VMP1: variants seen among roughly 807,000 people sequenced by gnomAD.
VMP1 encodes ectopic P-granules autophagy protein 3 homolog.
VMP1 carries 11 observed loss-of-function variants against 56.0 expected under a neutral mutation model. The ratio of observed to expected loss-of-function variants is 0.20; its 90% confidence interval spans 0.12 to 0.32. VMP1 has a LOEUF of 0.32. VMP1 is among the 10% of genes least tolerant of loss of function. VMP1 has a pLI of 1.00. For missense variants in VMP1, 296 were observed against 490.3 expected (o/e 0.60, Z 3.74); for synonymous variants, 149 against 165.0 (o/e 0.90, Z 0.74).
rs961229748 is a variant in VMP1 at position 59,774,318 on chromosome 17, G to A, written c.714+433G>A. ...TGTAATCCCAGCACTTTGAGAACCC[G>A]AGGCAGGAGGATTGCATAAGCGCAG... On this transcript the variant is annotated intron_variant, in intron 7 of 11. Coordinates refer to ENST00000262291, the MANE Select transcript of VMP1 (RefSeq NM_030938.5). 5.3e-5 allele frequency among the ~76,000 whole-genome samples: 8 copies of A among 152,170 alleles called. 1 individual carries two copies. Among genetic ancestry groups the A allele is most frequent in the African/African-American group, 9.6e-5 (4 of 41,492 alleles).
chr17:59,798,676 C>T (rs1025023617), intron 7 of VMP1, among the ~76,000 whole-genome samples: 74 of 152,196 alleles, frequency 4.9e-4, no homozygotes, highest in Admixed American at 7.9e-4. Flanking sequence ...CACCTGAGGT[C>T]GGGAGTTCCA....
chr17:59,773,998 AAAAAG>A lies in VMP1; in HGVS notation c.714+117_714+121del. ...AGAAAACTGCTAAAGTAAAAAAAAA[AAAAAG>A]AAAGAAAAATATTGCTTGAGATAGA... On this transcript the variant is annotated intron_variant, in intron 7 of 11. Coordinates refer to ENST00000262291, the MANE Select transcript of VMP1 (RefSeq NM_030938.5). The A allele has an allele frequency of 1.2e-5, 13 of 1,086,760 alleles. No homozygotes were observed. The South Asian group carries it at 2.2e-4, about 18-fold the overall frequency. The allele number at this position is 1,086,760 out of a possible 1,614,324, so 67.3% of individuals were successfully genotyped here. A position where few individuals can be genotyped will look rare whatever the true frequency, so the allele number is the denominator to read the frequency against.
chr17:59,737,482 CTT>C lies in VMP1; in HGVS notation c.247_248del (p.Leu83ThrfsTer13). On this transcript the variant is annotated frameshift_variant, in exon 4 of 12. Coordinates refer to ENST00000262291, the MANE Select transcript of VMP1 (RefSeq NM_030938.5). LOFTEE classifies it high-confidence loss of function. ...TGGCATCGTCAAAGCATTGTGGTGTCTTTTTTACTGCTGCTTGCTGTGCTTAT... is the reference window on the plus strand; with the variant it reads ...TGGCATCGTCAAAGCATTGTGGTGTCTTTTACTGCTGCTTGCTGTGCTTAT... 1 of 1,611,450 alleles carries C rather than the reference CTT, an allele frequency of 6.2e-7. No individual in the cohort carries two copies. Among genetic ancestry groups the C allele is most frequent in the Non-Finnish European group, 8.5e-7 (1 of 1,178,924 alleles).
chr17:59,759,010 C>T (rs563211291), intron 5 of VMP1, among the ~76,000 whole-genome samples: 233 of 152,178 alleles, frequency 1.5e-3, no homozygotes, highest in African/African-American at 4.9e-3. Context: ...CACCAGAACT[C>T]TAGAGGTTGA....
intron 7 of VMP1, among the ~76,000 whole-genome samples, chr17:59,774,367 A>G (rs1208602414): frequency 6.6e-6 from 1 of 152,096 alleles, no homozygotes; most frequent in South Asian, 2.1e-4. Flanking sequence ...CAAGTGAGCT[A>G]TGATCATCCC....
intron 7 of VMP1, among the ~76,000 whole-genome samples, chr17:59,783,127 T>G (rs1598387778): frequency 6.6e-6 from 1 of 151,920 alleles, no homozygotes; most frequent in East Asian, 1.9e-4. Context: ...ACCTGGGAGG[T>G]GGAGCTAGCA....
intron 1 of VMP1, among the ~76,000 whole-genome samples, chr17:59,717,254 G>C (rs948242769): frequency 5.9e-5 from 9 of 152,126 alleles, no homozygotes; most frequent in African/African-American, 2.2e-4. Flanking sequence ...ACAGGCATGA[G>C]CCACCGCGCT....
rs763841771 is a variant in VMP1, at chr17:59,773,752, A to G, written c.583-2A>G. 2 of 1,595,316 alleles carry G rather than the reference A, an allele frequency of 1.3e-6. No homozygotes were observed. Among genetic ancestry groups the G allele is most frequent in the African/African-American group, 1.4e-5 (1 of 73,862 alleles). On this transcript the variant is annotated splice_acceptor_variant, in intron 6 of 11. Transcript: ENST00000262291. LOFTEE classifies it high-confidence loss of function. ...TTGTAAGTATTTTGGTTTTTCACCT[A>G]GGGTATCGGTACAGCAATCGGAGAG...
At chr17:59,837,864 TA>T (rs2039031135) in intron 10 of VMP1, 1 of 152,586 alleles carries the variant, frequency 6.6e-6, no homozygotes, top group Non-Finnish European at 1.5e-5. Flanking sequence ...ATTTCCTTAT[TA>T]ATTGGTTCAA....
intron 5 of VMP1, among the ~76,000 whole-genome samples, chr17:59,750,371 G>A (rs754573715): frequency 2.7e-5 from 4 of 150,020 alleles, no homozygotes; most frequent in Admixed American, 6.7e-5. Context: ...GTGCGAACTC[G>A]GCTCACTGCA....
intron 10 of VMP1, among the ~76,000 whole-genome samples, chr17:59,825,480 T>C (rs1260728290): frequency 6.6e-6 from 1 of 152,184 alleles, no homozygotes; most frequent in Non-Finnish European, 1.5e-5. Context: ...CAAATCTAAC[T>C]TTTAAAGTTA....
At chr17:59,829,278 G>T (rs1214412043) in intron 10 of VMP1, among the ~76,000 whole-genome samples, 2 of 152,142 alleles carry the variant, frequency 1.3e-5, no homozygotes, top group Non-Finnish European at 2.9e-5. Context: ...TACTTATTCT[G>T]GATTAATAAA....
chr17:59,835,718 G>A (rs1177936981), intron 10 of VMP1, among the ~76,000 whole-genome samples: 2 of 150,398 alleles, frequency 1.3e-5, no homozygotes, highest in Admixed American at 6.6e-5. Context: ...TCGAACTCCC[G>A]ACCTCAGGTG....
At chr17:59,741,035 A>C (rs1332535193) in intron 5 of VMP1, among the ~76,000 whole-genome samples, 1 of 152,134 alleles carries the variant, frequency 6.6e-6, no homozygotes, top group Non-Finnish European at 1.5e-5. Context: ...TCTCTATAAA[A>C]AATACAAAAA....
intron 8 of VMP1, among the ~76,000 whole-genome samples, 186 bp from the exon 9 acceptor site, chr17:59,811,484 C>A (rs980940196): frequency 1.3e-5 from 2 of 152,190 alleles, no homozygotes; most frequent in Admixed American, 1.3e-4. Flanking sequence ...GAATATGAGA[C>A]CCAGCTTCTA....
chr17:59,756,621 G>A (rs573198927), intron 5 of VMP1, among the ~76,000 whole-genome samples: 4 of 152,288 alleles, frequency 2.6e-5, no homozygotes, highest in South Asian at 2.1e-4. Flanking sequence ...TGAGGGAGCC[G>A]TCTAGAGTGG....
chr17:59,773,353 A>T (rs2036506753), intron 6 of VMP1, among the ~76,000 whole-genome samples: 1 of 151,934 alleles, frequency 6.6e-6, no homozygotes, highest in African/African-American at 2.4e-5. Context: ...GAGATTCTAG[A>T]GAACTAAAAT....
intron 1 of VMP1, among the ~76,000 whole-genome samples, chr17:59,710,271 T>G (rs1290262575): frequency 1.3e-5 from 2 of 152,232 alleles, no homozygotes; most frequent in Non-Finnish European, 2.9e-5. Flanking sequence ...AATGTATAAG[T>G]AGATTCCCAT....
intron 9 of VMP1, among the ~76,000 whole-genome samples, chr17:59,816,277 G>A (rs2038228590): frequency 6.6e-6 from 1 of 152,174 alleles, no homozygotes; most frequent in African/African-American, 2.4e-5. Flanking sequence ...GAAATCACTG[G>A]AAGGCAAGAA....
Sources: gnomAD v4.1 joint callset for allele counts (sites outside exome capture counted in the v4.1 genomes callset) on GRCh38, gnomAD v4.1.1 for gene constraint, MANE v1.5 for transcripts, NCBI Gene and HGNC (gene_info 2026-07-23, HGNC 2026-07-21) for gene names.